The following LRRC49 variants were observed in gnomAD, a reference collection of about 807,000 sequenced individuals.
LRRC49 encodes the protein leucine rich repeat containing 49.
A neutral mutation model predicts 83.3 loss-of-function variants in LRRC49; 50 were observed. That is an observed-to-expected ratio of 0.60 (90% CI 0.48 to 0.76). The LOEUF is 0.76. LRRC49 is among the 30% of genes least tolerant of loss of function. LRRC49 has a pLI of 0.00. For missense variants in LRRC49, 704 were observed against 809.1 expected (o/e 0.87, Z 1.58); for synonymous variants, 286 against 283.3 (o/e 1.01, Z -0.10).
chr15:70,962,264 T>C (rs2036628073), intron 8 of LRRC49, among the ~76,000 whole-genome samples: 1 of 152,156 alleles, frequency 6.6e-6, no homozygotes. Context: ...GGTGATGGAT[T>C]AGAGTTGGAG....
intron 3 of LRRC49, chr15:70,900,414 T>A: frequency 2.2e-6 from 1 of 454,332 alleles, no homozygotes; most frequent in Non-Finnish European, 4.4e-6. Flanking sequence ...AAAACTACTT[T>A]TTGTGTATTT....
At position 70,974,747 on chromosome 15, in the gene LRRC49, A is replaced by G. The variant is rs79791980; in HGVS notation, c.922-5354A>G. 2.5e-3 allele frequency among the ~76,000 whole-genome samples: 377 copies of G among 152,150 alleles called. 3 individuals carry two copies. Among genetic ancestry groups the G allele is most frequent in the African/African-American group, 9.0e-3 (374 of 41,540 alleles). On this transcript the variant is annotated intron_variant, in intron 9 of 15. Transcript: ENST00000260382. ...AAAAAAAAAAAAAAGAACAACAAAG[A>G]AGGATATGAGATAGAGATCACATAC...
intron 8 of LRRC49, among the ~76,000 whole-genome samples, chr15:70,963,275 CAAA>C (rs765094754): frequency 1.4e-5 from 1 of 70,446 alleles, no homozygotes; most frequent in Non-Finnish European, 2.6e-5. Context: ...GACCTGGTCT[CAAA>C]AAAAAAAAAA....
intron 8 of LRRC49, among the ~76,000 whole-genome samples, chr15:70,941,845 T>C (rs117283282): frequency 0.019 from 2,906 of 152,282 alleles, 51 homozygotes; most frequent in Middle Eastern, 0.048. Flanking sequence ...AATTAATCTT[T>C]GCAAAATTGT....
intron 7 of LRRC49, among the ~76,000 whole-genome samples, chr15:70,922,853 A>G (rs1323469513): frequency 6.6e-6 from 1 of 152,070 alleles, no homozygotes; most frequent in Non-Finnish European, 1.5e-5. Context: ...AAAAATTAAT[A>G]AAACTCAAAA....
intron 8 of LRRC49, among the ~76,000 whole-genome samples, chr15:70,956,208 A>C (rs1392728893): frequency 1.3e-5 from 2 of 152,120 alleles, no homozygotes; most frequent in Non-Finnish European, 2.9e-5. Context: ...TGGGAATTTT[A>C]TTTCTTTCTC....
intron 11 of LRRC49, among the ~76,000 whole-genome samples, chr15:70,999,019 T>C (rs967380045): frequency 6.6e-6 from 1 of 152,210 alleles, no homozygotes; most frequent in Non-Finnish European, 1.5e-5. Context: ...CTCCAGAATT[T>C]CTATTTGATT....
intron 11 of LRRC49, among the ~76,000 whole-genome samples, chr15:71,006,240 A>T (rs903347264): frequency 2.0e-5 from 3 of 152,232 alleles, no homozygotes; most frequent in Non-Finnish European, 2.9e-5. Context: ...CCCTTTACAC[A>T]AAATAAATAA....
At chr15:70,935,949 G>A (rs1390224110) in intron 7 of LRRC49, among the ~76,000 whole-genome samples, 2 of 152,218 alleles carry the variant, frequency 1.3e-5, no homozygotes, top group East Asian at 3.9e-4. Flanking sequence ...CCAAGCGTCT[G>A]TAAGATTCTG....
intron 15 of LRRC49, among the ~76,000 whole-genome samples, chr15:71,042,076 T>C (rs2039713384): frequency 6.6e-6 from 1 of 152,176 alleles, no homozygotes; most frequent in East Asian, 1.9e-4. Context: ...ATGATCTTGA[T>C]TGGGTTGGCT....
At chr15:70,944,763 C>A (rs1337646014) in intron 8 of LRRC49, among the ~76,000 whole-genome samples, 1 of 152,148 alleles carries the variant, frequency 6.6e-6, no homozygotes, top group East Asian at 1.9e-4. Flanking sequence ...AATCAAAGTG[C>A]CAATTTTCTT....
At chr15:70,948,913 T>C (rs1011968071) in intron 8 of LRRC49, among the ~76,000 whole-genome samples, 1 of 152,224 alleles carries the variant, frequency 6.6e-6, no homozygotes, top group Non-Finnish European at 1.5e-5. Context: ...CATGATTCTT[T>C]GCAGGCCAGT....
chr15:70,884,291 G>A (rs908683733), intron 2 of LRRC49, among the ~76,000 whole-genome samples: 4 of 152,050 alleles, frequency 2.6e-5, no homozygotes, highest in African/African-American at 9.7e-5. Flanking sequence ...CCAGCACTTC[G>A]GGAGGCTGAG....
rs2040006275 is a variant in LRRC49 at position 71,052,466 on chromosome 15, G to C, written c.*2854G>C. 6.6e-6 allele frequency: 1 copy of C among 152,266 alleles called. No individual in the cohort carries two copies. Among genetic ancestry groups the C allele is most frequent in the Non-Finnish European group, 1.5e-5 (1 of 68,102 alleles). 9.4% of individuals were successfully genotyped at this position (152,266 alleles called of 1,614,324 possible). Reference sequence around the variant, plus strand: ...GCTTGTTAACTGTGCTGCTGAGTCAGAGGATGGTGCTGGTATCAGCTCCTC... The same window carrying C: ...GCTTGTTAACTGTGCTGCTGAGTCACAGGATGGTGCTGGTATCAGCTCCTC... On this transcript the variant is annotated 3_prime_UTR_variant, in exon 16 of 16. Transcript: ENST00000260382.
At chr15:70,888,213 C>T (rs751439074), upstream of LRRC49, among the ~76,000 whole-genome samples, 2 of 151,908 alleles carry the variant, frequency 1.3e-5, no homozygotes, top group African/African-American at 2.4e-5. Flanking sequence ...TCTAAAGAGC[C>T]CAACATAGTC....
Position 71,004,747 on chromosome 15 carries a change from G to T in LRRC49, c.1170-3632G>T, listed in dbSNP as rs2038396557. Among the ~76,000 whole-genome samples the T allele has an allele frequency of 2.6e-5, 4 of 151,962 alleles. No individual in the cohort carries two copies. The South Asian group carries it at 6.2e-4, about 24-fold the overall frequency. ...AAGAATGAGATCATGTTATTTTCAG[G>T]GACATGGATGGAGCTGGAGGCCATT... is the stretch of plus-strand genomic sequence containing the variant. On this transcript the variant is annotated intron_variant, in intron 11 of 15. Transcript: ENST00000260382.
At chr15:70,889,542 T>C (rs950307647), upstream of LRRC49, among the ~76,000 whole-genome samples, 30 of 152,210 alleles carry the variant, frequency 2.0e-4, no homozygotes, top group Admixed American at 2.6e-4. Flanking sequence ...CACTTTTCTG[T>C]GTATTTGCTA....
At chr15:71,034,667 G>T (rs1338165004) in intron 14 of LRRC49, among the ~76,000 whole-genome samples, 2 of 152,166 alleles carry the variant, frequency 1.3e-5, no homozygotes, top group Non-Finnish European at 2.9e-5. Context: ...AGAAATTGTG[G>T]TATGGATATG....
At chr15:71,008,289 A>C (rs2038530580) in intron 11 of LRRC49, 90 bp from the exon 12 acceptor site, 2 of 718,094 alleles carry the variant, frequency 2.8e-6, no homozygotes, top group Non-Finnish European at 4.7e-6. Flanking sequence ...AAAGAATATA[A>C]AATTGTGAAG....
Sources: gnomAD v4.1 joint callset for allele counts (sites outside exome capture counted in the v4.1 genomes callset) on GRCh38, gnomAD v4.1.1 for gene constraint, MANE v1.5 for transcripts, NCBI Gene and HGNC (gene_info 2026-07-23, HGNC 2026-07-21) for gene names.